The following DNAH3 variants were observed in gnomAD, a reference collection of about 807,000 sequenced individuals.
DNAH3 encodes dynein axonemal heavy chain 3.
A neutral mutation model predicts 432.5 loss-of-function variants in DNAH3; 332 were observed. That is an observed-to-expected ratio of 0.77 (90% CI 0.70 to 0.84). The LOEUF (loss-of-function observed/expected upper bound fraction) is 0.84. DNAH3 is among the 40% of genes least tolerant of loss of function. The pLI, the probability that DNAH3 is intolerant of heterozygous loss-of-function variation, is 0.00. For synonymous variants in DNAH3, 1,956 were observed against 1,900.2 expected (o/e 1.03, Z -0.76); for missense variants, 4,861 against 5,114.0 (o/e 0.95, Z 1.51).
At chr16:21,122,560 T>C (rs1039193039) in intron 9 of DNAH3, among the ~76,000 whole-genome samples, 1 of 152,054 alleles carries the variant, frequency 6.6e-6, no homozygotes, top group Admixed American at 6.6e-5. Flanking sequence ...CTCAAAAAAA[T>C]AAAAAACAAA....
chr16:21,154,897 ATTC>A (rs1488416581), intron 1 of DNAH3, among the ~76,000 whole-genome samples: 4 of 151,462 alleles, frequency 2.6e-5, no homozygotes, highest in Non-Finnish European at 5.9e-5. Context: ...GTGTTGGATA[ATTC>A]TTAAGAAAGG....
At chr16:20,952,620 GGGA>G (rs1254816473) in intron 55 of DNAH3, 71 bp from the exon 56 acceptor site, 1 of 986,656 alleles carries the variant, frequency 1.0e-6, no homozygotes, top group Non-Finnish European at 1.6e-6. Context: ...ACCAAGCCGA[GGGA>G]GTTAAGCATC....
intron 58 of DNAH3, among the ~76,000 whole-genome samples, chr16:20,942,489 T>A (rs1275563531): frequency 6.6e-6 from 1 of 152,188 alleles, no homozygotes; most frequent in Non-Finnish European, 1.5e-5. Context: ...CACTCCTACA[T>A]CGGGATACAC....
At chr16:21,055,468 T>A (rs1001210825) in intron 27 of DNAH3, among the ~76,000 whole-genome samples, 1 of 152,216 alleles carries the variant, frequency 6.6e-6, no homozygotes, top group African/African-American at 2.4e-5. Context: ...AACTGTACTA[T>A]GGTTGTCTAA....
At chr16:21,087,147 C>T (rs1352708448) in intron 18 of DNAH3, 87 bp from the exon 19 acceptor site, 3 of 1,147,760 alleles carry the variant, frequency 2.6e-6, no homozygotes, top group Non-Finnish European at 3.9e-6. Context: ...AGAGCTGTGC[C>T]TCCTGTCGTT....
At position 21,150,369 on chromosome 16, in the gene DNAH3, C is replaced by T. The variant is rs1483653435; in HGVS notation, c.118-4281G>A. On this transcript the variant is annotated intron_variant, in intron 1 of 61. An upstream open reading frame in the 5' UTR loses its in-frame stop. Transcript: ENST00000261383. The stretch of plus-strand genomic sequence containing the variant: ...TTTTTTAAAATGAATAAAGAGCTTT[C>T]AGCTTCTCCAGGGATGTGCCTCTCC... 2 of 445,226 alleles carry T rather than the reference C, an allele frequency of 4.5e-6. No homozygotes were observed. Among genetic ancestry groups the T allele is most frequent in the Admixed American group, 2.6e-5 (1 of 38,744 alleles). The allele number at this position is 445,226 out of a possible 1,614,324, so 27.6% of individuals were successfully genotyped here.
Position 21,086,785 on chromosome 16 carries a change from C to T in DNAH3, c.2877+64G>A, listed in dbSNP as rs1270016112. The T allele has an allele frequency of 2.0e-5, 29 of 1,453,968 alleles. No homozygotes were observed. In the Admixed American group the frequency reaches 4.1e-4, roughly 20 times the overall value. 90.1% of individuals were successfully genotyped at this position (1,453,968 alleles called of 1,614,324 possible). A position where few individuals can be genotyped will look rare whatever the true frequency, so the allele number is the denominator to read the frequency against. On this transcript the variant is annotated intron_variant, in intron 19 of 61. Transcript: ENST00000261383. ...TGACCTAGTAATGTTTCCTGCCTTC[C>T]CAAGGACAGTCAGGGCCAGGCCTGG...
At chr16:21,151,131 T>C (rs2092848554) in intron 1 of DNAH3, among the ~76,000 whole-genome samples, 2 of 152,216 alleles carry the variant, frequency 1.3e-5, no homozygotes, top group Non-Finnish European at 2.9e-5. Context: ...CTTCAGATCC[T>C]ACTCTTCTCA....
exon 1 of DNAH3, chr16:21,159,348 C>G: frequency 1.2e-6 from 2 of 1,614,154 alleles, no homozygotes; most frequent in Non-Finnish European, 1.7e-6. Context: ...CCTTCCTCCT[C>G]TCCTTGGGTC....
At chr16:21,151,002 A>C (rs1412990352) in intron 1 of DNAH3, among the ~76,000 whole-genome samples, 156 bp from the exon 1 acceptor site, 2 of 152,198 alleles carry the variant, frequency 1.3e-5, no homozygotes, top group Non-Finnish European at 2.9e-5. Context: ...GAACATGGGA[A>C]GGTGTTTAGC....
intron 58 of DNAH3, among the ~76,000 whole-genome samples, chr16:20,942,471 G>A (rs1020915042): frequency 6.6e-6 from 1 of 152,132 alleles, no homozygotes; most frequent in African/African-American, 2.4e-5. Flanking sequence ...CACTGTGAGG[G>A]GAATTTCCAC....
At chr16:21,071,199 C>T (rs1295258413) in intron 21 of DNAH3, among the ~76,000 whole-genome samples, 6 of 152,144 alleles carry the variant, frequency 3.9e-5, no homozygotes, top group Admixed American at 6.6e-5. Context: ...AATGACACCA[C>T]GCCCTGCTAA....
chr16:21,066,433 T>C (rs1597291080), intron 24 of DNAH3, among the ~76,000 whole-genome samples: 1 of 152,194 alleles, frequency 6.6e-6, no homozygotes, highest in East Asian at 1.9e-4. Flanking sequence ...ACTGGTGCAA[T>C]CTTGGCTCAC....
chr16:20,984,859 T>C (rs1390500464), intron 48 of DNAH3, among the ~76,000 whole-genome samples, 190 bp downstream of exon 48: 1 of 144,736 alleles, frequency 6.9e-6, no homozygotes, highest in Non-Finnish European at 1.6e-5. Flanking sequence ...AGCAAGACTG[T>C]CTTTAAAAAA....
At chr16:21,031,385 A>G in intron 36 of DNAH3, 99 bp from the exon 37 acceptor site, 1 of 1,436,400 alleles carries the variant, frequency 7.0e-7, no homozygotes, top group Non-Finnish European at 9.4e-7. Flanking sequence ...ACTTTTATAA[A>G]TATGCCATAT....
chr16:21,058,194 G>C (rs1567715161), exon 27 of DNAH3: 11 of 1,599,468 alleles, frequency 6.9e-6, no homozygotes, highest in Non-Finnish European at 3.4e-6. Context: ...GATTTCGAGG[G>C]ACCTGGAAAA....
chr16:20,970,051 G>T, intron 51 of DNAH3, 61 bp from the exon 52 acceptor site: 3 of 1,484,356 alleles, frequency 2.0e-6, no homozygotes, highest in South Asian at 1.1e-5. Flanking sequence ...TGGGGGCGAA[G>T]CAGAGCTCCA....
At chr16:21,032,887 A>AGGTATATTAAAAT (rs1430904536) in intron 36 of DNAH3, among the ~76,000 whole-genome samples, 1 of 152,136 alleles carries the variant, frequency 6.6e-6, no homozygotes, top group Admixed American at 6.5e-5. Flanking sequence ...CAGTTTCTTA[A>AGGTATATTAAAAT]GGTATATTAA....
chr16:21,090,948 T>G (rs1189945358), intron 18 of DNAH3, among the ~76,000 whole-genome samples: 1 of 152,032 alleles, frequency 6.6e-6, no homozygotes, highest in Non-Finnish European at 1.5e-5. Context: ...GCTCAGGCGT[T>G]CAAGACCGGC....
Sources: allele counts gnomAD v4.1 joint callset (sites outside exome capture counted in the v4.1 genomes callset), GRCh38; gene constraint gnomAD v4.1.1; transcripts MANE v1.5; gene names NCBI Gene and HGNC (gene_info 2026-07-23, HGNC 2026-07-21).